The following ADGRB1 variants were observed in gnomAD, a reference collection of about 807,000 sequenced individuals.
The protein encoded by ADGRB1 is brain-specific angiogenesis inhibitor 1.
ADGRB1 carries 36 observed loss-of-function variants against 175.7 expected under a neutral mutation model. The observed-to-expected ratio is 0.20, with a 90% CI of 0.16 to 0.27. The LOEUF (loss-of-function observed/expected upper bound fraction) is 0.27, where lower values mean the gene tolerates loss of function less well. ADGRB1 is among the 10% of genes least tolerant of loss of function. The pLI is 1.00. For synonymous variants in ADGRB1, 1,054 were observed against 979.4 expected (o/e 1.08, Z -1.42); for missense variants, 1,731 against 2,255.3 (o/e 0.77, Z 4.71).
chr8:142,477,321 CG>C, intron 5 of ADGRB1, 43 bp downstream of exon 5: 1 of 1,582,438 alleles, frequency 6.3e-7, no homozygotes, highest in East Asian at 2.3e-5. Flanking sequence ...GCCAGGGCAG[CG>C]GGGGGCCAGG....
chr8:142,536,904 C>G lies in ADGRB1; in HGVS notation c.3571-83C>G, dbSNP rs550567281. On this transcript the variant is annotated intron_variant, in intron 25 of 30. Coordinates refer to ENST00000517894, the MANE Select transcript of ADGRB1 (RefSeq NM_001702.3). ...GCCCTTCCCCGAGACGCCCGCCCCC[C>G]CACAGGTGCTGCTCATCTGATCTGG... 157 of 1,226,318 alleles carry G rather than the reference C, an allele frequency of 1.3e-4. No individual in the cohort carries two copies. The African/African-American group carries it at 1.5e-3, about 11-fold the overall frequency. 76.0% of individuals were successfully genotyped at this position (1,226,318 alleles called of 1,614,324 possible). A position where few individuals can be genotyped will look rare whatever the true frequency, so the allele number is the denominator to read the frequency against.
In ADGRB1 at chr8:142,542,506, G is replaced by T. The variant is rs1587454228; in HGVS notation, c.4272G>T (p.Gln1424His). 7.8e-7 allele frequency: 1 copy of T among 1,278,652 alleles called. No homozygotes were observed. The highest frequency in any genetic ancestry group is 1.7e-5 in the African/African-American group (1 of 60,188). The allele number at this position is 1,278,652 out of a possible 1,614,324, so 79.2% of individuals were successfully genotyped here. The change falls in exon 28 of 31, where the codon CAG becomes CAT. Residue 1424 changes from glutamine to histidine, a missense_variant. Gln to His is a conservative substitution (Grantham distance 24). Around this residue, in one of 8 missense-constraint regions of ADGRB1, gnomAD observed 394 missense variants for 410.2 expected, o/e 0.96. Coordinates refer to ENST00000517894, the MANE Select transcript of ADGRB1 (RefSeq NM_001702.3). The surrounding 1 kb of genome is among the most constrained non-coding windows in gnomAD (Gnocchi z 6.3). ...CCCCACCGCCACCACCTCCCCAGCA[G>T]CCCCTGCCCCCACCGCCCAATCTGG... Reference protein sequence around the residue: ...PPPPPPPPPQQPLPPPPNLEP... With the variant: ...PPPPPPPPPQHPLPPPPNLEP...
At position 142,464,857 on chromosome 8, in the gene ADGRB1, C is replaced by T. The variant is rs1048221290; in HGVS notation, c.659C>T (p.Ala220Val). 98 of 1,520,568 alleles carry T rather than the reference C, an allele frequency of 6.4e-5. No individual in the cohort carries two copies. The highest frequency in any genetic ancestry group is 3.5e-4 in the Middle Eastern group (2 of 5,646). The allele number at this position is 1,520,568 out of a possible 1,614,324, so 94.2% of individuals were successfully genotyped here. ...CCCTGCGCCTGCCTGGGCGGCGAGGCGGGCGGCCCTGCCGCGGGACCCCTG... is the reference window on the plus strand; with the variant it reads ...CCCTGCGCCTGCCTGGGCGGCGAGGTGGGCGGCCCTGCCGCGGGACCCCTG... ...QTPCACLGGE[A>V]GGPAAGPLAP... The change falls in exon 2 of 31, where the codon GCG (alanine) becomes GTG (valine). Residue 220 changes from alanine (A) to valine (V), a missense_variant. Physicochemically the swap from Ala to Val is moderately conservative, Grantham distance 64. Transcript: ENST00000517894.
At chr8:142,516,161 T>C (rs958131459) in intron 18 of ADGRB1, among the ~76,000 whole-genome samples, 4 of 149,310 alleles carry the variant, frequency 2.7e-5, no homozygotes, top group Non-Finnish European at 5.9e-5. Context: ...CAGGTGTGCG[T>C]GTGTGGGAGC....
rs1842750620 is a variant in ADGRB1, at chr8:142,504,142, G to A, written c.2676-6790G>A. Among the ~76,000 whole-genome samples the A allele has an allele frequency of 6.6e-6, 1 of 152,208 alleles. No individual in the cohort carries two copies. The highest frequency in any genetic ancestry group is 2.4e-5 in the African/African-American group (1 of 41,456). On this transcript the variant is annotated intron_variant, in intron 17 of 30. Transcript: ENST00000517894. This position sits in a 1 kb window ranked among gnomAD's most constrained non-coding sequence, Gnocchi z 5.6. ...GATCTCCTCAGGACCCCAGGTAATT[G>A]CCCCCAGGCCCTGAGCTTGGAGGGG...
chr8:142,464,085 CGCCTCCCTG>C lies in ADGRB1; in HGVS notation c.-113_-105del. ...GCCCTCTCCCATCCCACCCTTGCCC[CGCCTCCCTG>C]CCCCCACCGGGCCGGCCCTGCCCGC... On this transcript the variant is annotated 5_prime_UTR_variant, in exon 2 of 31. Transcript: ENST00000517894. The C allele has an allele frequency of 9.1e-6, 7 of 769,388 alleles. No homozygotes were observed. Among genetic ancestry groups the C allele is most frequent in the Non-Finnish European group, 1.0e-5 (6 of 590,912 alleles). 47.7% of individuals were successfully genotyped at this position (769,388 alleles called of 1,614,324 possible). A position where few individuals can be genotyped will look rare whatever the true frequency, so the allele number is the denominator to read the frequency against.
chr8:142,481,820 C>A, intron 11 of ADGRB1, 109 bp downstream of exon 11: 1 of 1,000,072 alleles, frequency 1.0e-6, no homozygotes, highest in African/African-American at 1.6e-5. Context: ...CAGGCCCTAA[C>A]CCATGTCATA....
At chr8:142,484,143 G>C in intron 12 of ADGRB1, 98 bp downstream of exon 12, 1 of 1,033,308 alleles carries the variant, frequency 9.7e-7, no homozygotes, top group Non-Finnish European at 1.4e-6. Flanking sequence ...GGGTCCCGCC[G>C]GGTGCTCTGG....
chr8:142,484,720 G>C lies in ADGRB1; in HGVS notation c.2264G>C (p.Arg755Pro), dbSNP rs371439495. ...VEDFVDVIGF[R>P]MKDLRDAYQV... ...GACTTTGTGGACGTCATCGGCTTCC[G>C]CATGAAGGACCTGAGGGATGCATAC... The change falls in exon 13 of 31, where the codon CGC (arginine) becomes CCC (proline). Residue 755 changes from arginine (R) to proline (P), a missense_variant. Transcript: ENST00000517894. The C allele has an allele frequency of 1.2e-6, 2 of 1,611,492 alleles. No individual in the cohort carries two copies. The highest frequency in any genetic ancestry group is 1.7e-6 in the Non-Finnish European group (2 of 1,179,128).
At chr8:142,524,147 C>T in intron 22 of ADGRB1, 91 bp from the exon 23 acceptor site, 1 of 1,408,894 alleles carries the variant, frequency 7.1e-7, no homozygotes, top group Non-Finnish European at 9.7e-7. Flanking sequence ...TCTGCCACTT[C>T]CCAGCTCACC....
intron 26 of ADGRB1, among the ~76,000 whole-genome samples, chr8:142,538,897 G>A (rs995107877): frequency 2.0e-5 from 3 of 152,176 alleles, no homozygotes; most frequent in South Asian, 2.1e-4. Context: ...GAGGCCTGGG[G>A]GGAGAGATGA....
intron 18 of ADGRB1, among the ~76,000 whole-genome samples, chr8:142,514,807 A>G (rs1185457844): frequency 6.6e-6 from 1 of 152,082 alleles, no homozygotes; most frequent in Non-Finnish European, 1.5e-5. Flanking sequence ...TTCAGGGGAC[A>G]GGGTGTGATG....
At position 142,543,654 on chromosome 8, in the gene ADGRB1, G is replaced by A. The variant is rs1239804772; in HGVS notation, c.4503G>A (p.Arg1501=). The A allele has an allele frequency of 2.0e-6, 3 of 1,496,106 alleles. No individual in the cohort carries two copies. Among genetic ancestry groups the A allele is most frequent in the Non-Finnish European group, 2.7e-6 (3 of 1,112,196 alleles). 92.7% of individuals were successfully genotyped at this position (1,496,106 alleles called of 1,614,324 possible). A position where few individuals can be genotyped will look rare whatever the true frequency, so the allele number is the denominator to read the frequency against. ...AAGACATGTTCCAGGACCTGAACCG[G>A]AAGCTGCAGCACGCAGCGGAGAAGG... The part of the protein sequence containing the change: ...RHQDMFQDLN[R]KLQHAAEKDK... Residue 1501 remains arginine (R), a synonymous_variant, in exon 30 of 31, where the codon CGG becomes CGA. Coordinates refer to ENST00000517894, the MANE Select transcript of ADGRB1 (RefSeq NM_001702.3). The surrounding 1 kb of genome is among the most constrained non-coding windows in gnomAD (Gnocchi z 4.4).
In ADGRB1 at chr8:142,477,331, G is replaced by A. The variant is rs866350504; in HGVS notation, c.1222+53G>A. ...GGACAGCCAGGGCAGCGGGGGGCCA[G>A]GGCAGCGGGGGCGGTGGCCGCAGTG... On this transcript the variant is annotated intron_variant, in intron 5 of 30. Transcript: ENST00000517894. 175 of 1,324,182 alleles carry A rather than the reference G, an allele frequency of 1.3e-4. 1 individual carries two copies. Among genetic ancestry groups the A allele is most frequent in the African/African-American group, 6.0e-4 (30 of 50,064 alleles). The allele number at this position is 1,324,182 out of a possible 1,614,324, so 82.0% of individuals were successfully genotyped here. A position where few individuals can be genotyped will look rare whatever the true frequency, so the allele number is the denominator to read the frequency against.
chr8:142,469,384 AGTGT>A (rs1216001681), intron 2 of ADGRB1, among the ~76,000 whole-genome samples: 34 of 116,542 alleles, frequency 2.9e-4, no homozygotes, highest in African/African-American at 8.6e-4. Flanking sequence ...TGAATGTGGG[AGTGT>A]GTATGTGCAC....
chr8:142,473,859 C>G (rs939952834), intron 2 of ADGRB1, among the ~76,000 whole-genome samples: 4 of 152,252 alleles, frequency 2.6e-5, no homozygotes, highest in Admixed American at 6.5e-5. Flanking sequence ...CTGGCACCCC[C>G]TGCTGGCCAT....
intron 1 of ADGRB1, among the ~76,000 whole-genome samples, chr8:142,457,186 A>C (rs1839727445): frequency 6.6e-6 from 1 of 152,058 alleles, no homozygotes; most frequent in African/African-American, 2.4e-5. Flanking sequence ...GGGTAAGATG[A>C]GGGGTAACAC....
intron 23 of ADGRB1, among the ~76,000 whole-genome samples, chr8:142,525,723 G>T (rs566075696): frequency 6.6e-6 from 1 of 152,276 alleles, no homozygotes; most frequent in Admixed American, 6.5e-5. Context: ...CCTGGTCAGG[G>T]GTCCATGGAG....
chr8:142,520,942 C>T lies in ADGRB1; in HGVS notation c.3024+17C>T. ...CGCAACAAGGTAGGCAGCCTTGCGT[C>T]CTGCCATGCACTTCCCAACATCCTC... On this transcript the variant is annotated intron_variant, in intron 20 of 30. Transcript: ENST00000517894. The T allele has an allele frequency of 6.9e-6, 11 of 1,600,220 alleles. No individual in the cohort carries two copies. The highest frequency in any genetic ancestry group is 3.3e-5 in the South Asian group (3 of 90,700).
Sources: allele counts gnomAD v4.1 joint callset (sites outside exome capture counted in the v4.1 genomes callset), GRCh38; gene constraint gnomAD v4.1.1; regional missense constraint gnomAD v4.1.1; non-coding constraint Gnocchi (gnomAD v3.1); transcripts MANE v1.5; gene names NCBI Gene and HGNC (gene_info 2026-07-23, HGNC 2026-07-21).